Variants in NEK4 observed in about 807,000 individuals in gnomAD.
NEK4 encodes the protein NIMA related kinase 4, also known as serine/threonine-protein kinase Nek4.
Under a neutral mutation model 98.4 loss-of-function variants are expected in NEK4, and 86 were observed. The ratio of observed to expected loss-of-function variants is 0.87; its 90% CI spans 0.73 to 1.05. The LOEUF (loss-of-function observed/expected upper bound fraction) is 1.05. Ranked by LOEUF, NEK4 falls within the 50% of genes least tolerant of loss-of-function variation. NEK4 has a pLI of 0.00. For missense variants in NEK4, 898 were observed against 950.3 expected (o/e 0.94, Z 0.72); for synonymous variants, 328 against 342.2 (o/e 0.96, Z 0.46).
At chr3:52,737,892 C>A (rs2097379008) in intron 14 of NEK4, among the ~76,000 whole-genome samples, 173 bp from the exon 15 acceptor site, 3 of 152,154 alleles carry the variant, frequency 2.0e-5, no homozygotes, top group African/African-American at 7.2e-5. Flanking sequence ...CAGCTCACTG[C>A]AAGCTCCACC....
Position 52,717,570 on chromosome 3 carries a change from T to C in NEK4, c.2434-5701A>G, listed in dbSNP as rs991065072. The stretch of plus-strand genomic sequence containing the variant: ...AAAACCGGGTGCTAAGTTTCTAAAG[T>C]GGGGGTATCACTCGGAAGAGTGCCA... On this transcript the variant is annotated intron_variant, in intron 15 of 15. Transcript: ENST00000233027. 4.6e-4 allele frequency among the ~76,000 whole-genome samples: 70 copies of C among 151,996 alleles called. 1 individual carries two copies. The highest frequency in any genetic ancestry group is 3.4e-3 in the Admixed American group (52 of 15,256).
chr3:52,719,260 A>G (rs2097357987), intron 15 of NEK4, among the ~76,000 whole-genome samples: 1 of 152,190 alleles, frequency 6.6e-6, no homozygotes, highest in African/African-American at 2.4e-5. Flanking sequence ...GGGAGGAGAT[A>G]AGCCAATTCA....
At chr3:52,750,196 A>T (rs1377337611) in intron 7 of NEK4, among the ~76,000 whole-genome samples, 3 of 152,236 alleles carry the variant, frequency 2.0e-5, no homozygotes, top group African/African-American at 4.8e-5. Context: ...CTTAGAAAAC[A>T]AAAGTACCTA....
intron 2 of NEK4, among the ~76,000 whole-genome samples, chr3:52,766,818 C>G (rs970689085): frequency 6.1e-4 from 92 of 152,042 alleles, no homozygotes; most frequent in Non-Finnish European, 6.0e-4. Context: ...AACCCCGTCT[C>G]TACTAAAAAT....
chr3:52,754,273 G>A, intron 6 of NEK4: 2 of 330,796 alleles, frequency 6.0e-6, no homozygotes, highest in South Asian at 5.3e-5. Flanking sequence ...CACCTACTAG[G>A]TGATGCCACC....
intron 15 of NEK4, among the ~76,000 whole-genome samples, chr3:52,712,362 G>C (rs1360557824): frequency 6.6e-6 from 1 of 151,928 alleles, no homozygotes; most frequent in African/African-American, 2.4e-5. Flanking sequence ...CAAACCTCTA[G>C]GGGACCATAC....
chr3:52,740,627 G>C (rs1473667481), intron 13 of NEK4, among the ~76,000 whole-genome samples: 2 of 151,524 alleles, frequency 1.3e-5, no homozygotes, highest in African/African-American at 4.9e-5. Flanking sequence ...GTGAAACCCA[G>C]TCTCTACCAA....
intron 15 of NEK4, among the ~76,000 whole-genome samples, chr3:52,723,743 A>C (rs1286395284): frequency 6.6e-6 from 1 of 152,186 alleles, no homozygotes. Context: ...CAACGTAAGC[A>C]ATGTGGGAGT....
In NEK4 at chr3:52,724,325, T is replaced by A. The variant is rs139264234; in HGVS notation, c.2434-12456A>T. On this transcript the variant is annotated intron_variant, in intron 15 of 15. Coordinates refer to ENST00000233027, the MANE Select transcript of NEK4 (RefSeq NM_003157.6). ...AAAACAGCATGAGAGAAGCAACTTATCACATACAAAGGATAAGATTACCAA... is the reference window on the plus strand; with the variant it reads ...AAAACAGCATGAGAGAAGCAACTTAACACATACAAAGGATAAGATTACCAA... Among the ~76,000 whole-genome samples the A allele has an allele frequency of 1.8e-3, 270 of 151,238 alleles. 1 individual carries two copies. The highest frequency in any genetic ancestry group is 6.3e-3 in the African/African-American group (257 of 41,030).
rs776118499 is a variant in NEK4 at position 52,768,497 on chromosome 3, G to C, written c.201C>G (p.Thr67=). The stretch of plus-strand genomic sequence containing the variant: ...CTCCTCCTTCCCATGACTCCTTGTA[G>C]GTGACAATGTTGGGATGCTTCAACT... ...LSQLKHPNIV[T]YKESWEGGDG... The change falls in exon 2 of 16, where the codon ACC becomes ACG. Residue 67 remains threonine (T), a synonymous_variant. Transcript: ENST00000233027. 1 of 1,614,184 alleles carries C rather than the reference G, an allele frequency of 6.2e-7. No homozygotes were observed. The highest frequency in any genetic ancestry group is 2.2e-5 in the East Asian group (1 of 44,886).
At chr3:52,766,862 T>C (rs1399154594) in intron 2 of NEK4, among the ~76,000 whole-genome samples, 1 of 151,984 alleles carries the variant, frequency 6.6e-6, no homozygotes, top group African/African-American at 2.4e-5. Context: ...GGCGGGCGCC[T>C]GTAGTCCCAG....
intron 15 of NEK4, among the ~76,000 whole-genome samples, chr3:52,729,153 C>T (rs564191994): frequency 2.1e-4 from 32 of 152,198 alleles, no homozygotes; most frequent in Admixed American, 7.2e-4. Context: ...CCTGCTTGTA[C>T]ACCCCCTCCC....
intron 15 of NEK4, chr3:52,734,839 T>A: frequency 6.3e-6 from 2 of 316,026 alleles, no homozygotes; most frequent in South Asian, 6.1e-5. Flanking sequence ...AAGAGGATGA[T>A]AAACCAGAGA....
In NEK4 at chr3:52,743,064, C is replaced by T. The variant is rs150742707; in HGVS notation, c.2004+288G>A. Among the ~76,000 whole-genome samples, 385 of 152,272 alleles carry T rather than the reference C, an allele frequency of 2.5e-3. 1 individual carries two copies. The highest frequency in any genetic ancestry group is 8.8e-3 in the African/African-American group (365 of 41,536). The stretch of plus-strand genomic sequence containing the variant: ...CCTCCCAAAGTGCTAGTATTATAAG[C>T]GTGAGCCACTGCATCAGGCCAGGAA... On this transcript the variant is annotated intron_variant, in intron 12 of 15. Transcript: ENST00000233027.
Position 52,741,426 on chromosome 3 carries a change from C to G in NEK4, c.2078G>C (p.Gly693Ala). ...SSTSSTDKSD[G>A]DYGEGKGQTN... ...AAGAACTTACCCTTCCCCGTAATCC[C>G]CATCTGACTTATCAGTTGAACTTGT... is the stretch of plus-strand genomic sequence containing the variant. Residue 693 changes from glycine to alanine, a missense_variant, in exon 13 of 16, where the codon GGG (glycine) becomes GCG (alanine). Gly to Ala is a moderately conservative substitution (Grantham distance 60). Coordinates refer to ENST00000233027, the MANE Select transcript of NEK4 (RefSeq NM_003157.6). 1 of 1,601,616 alleles carries G rather than the reference C, an allele frequency of 6.2e-7. No homozygotes were observed. The highest frequency in any genetic ancestry group is 1.1e-5 in the South Asian group (1 of 90,760).
intron 14 of NEK4, 33 bp from the exon 15 acceptor site, chr3:52,737,752 T>C: frequency 1.3e-6 from 2 of 1,561,874 alleles, no homozygotes; most frequent in Non-Finnish European, 1.7e-6. Flanking sequence ...AAGGGAAAAA[T>C]AAACACTTTT....
At chr3:52,759,701 G>A (rs1332378429) in intron 6 of NEK4, among the ~76,000 whole-genome samples, 1 of 151,970 alleles carries the variant, frequency 6.6e-6, no homozygotes, top group Non-Finnish European at 1.5e-5. Context: ...CAAAAAAAAA[G>A]TCAAACCAAA....
chr3:52,749,832 G>A lies in NEK4; in HGVS notation c.1369-3C>T, dbSNP rs1198366072. ...AGCTTGGGCGACAGGGCAAGACTCT[G>A]TCTCAAAAAAAAAGAAAAAGAAAAA... On this transcript the variant is annotated splice_polypyrimidine_tract_variant and splice_region_variant and intron_variant, in intron 7 of 15. Coordinates refer to ENST00000233027, the MANE Select transcript of NEK4 (RefSeq NM_003157.6). 1 of 158,364 alleles carries A rather than the reference G, an allele frequency of 6.3e-6. No homozygotes were observed. The highest frequency in any genetic ancestry group is 1.4e-5 in the Non-Finnish European group (1 of 70,322). 9.8% of individuals were successfully genotyped at this position (158,364 alleles called of 1,614,324 possible).
intron 13 of NEK4, among the ~76,000 whole-genome samples, chr3:52,739,943 A>G (rs532798034): frequency 6.6e-6 from 1 of 152,340 alleles, no homozygotes; most frequent in Non-Finnish European, 1.5e-5. Context: ...TTGTGGGCCT[A>G]CAGAAAGGAC....
Sources: gnomAD v4.1 joint callset for allele counts (sites outside exome capture counted in the v4.1 genomes callset) on GRCh38, gnomAD v4.1.1 for gene constraint, MANE v1.5 for transcripts, NCBI Gene and HGNC (gene_info 2026-07-23, HGNC 2026-07-21) for gene names.